Variants in LOXHD1 observed in about 807,000 individuals in gnomAD.
LOXHD1 encodes lipoxygenase homology PLAT domains 1, also known as lipoxygenase homology domain-containing protein 1.
In LOXHD1, 205 loss-of-function variants were observed where a neutral mutation model predicts 248.2. The observed-to-expected ratio is 0.83, with a 90% CI of 0.74 to 0.93. The LOEUF (loss-of-function observed/expected upper bound fraction) is 0.93, where lower values mean the gene tolerates loss of function less well. LOXHD1 is among the 40% of genes least tolerant of loss of function. The pLI, the probability that LOXHD1 is intolerant of heterozygous loss-of-function variation, is 0.00. For synonymous variants in LOXHD1, 1,113 were observed against 1,162.8 expected, an observed-to-expected ratio of 0.96 and a Z score of 0.87; for missense variants, 2,930 against 2,971.6, an observed-to-expected ratio of 0.99 and a Z score of 0.33.
At chr18:46,513,458 A>G (rs981294545) in intron 34 of LOXHD1, among the ~76,000 whole-genome samples, 2 of 152,234 alleles carry the variant, frequency 1.3e-5, no homozygotes, top group Non-Finnish European at 2.9e-5. Context: ...GGATTATTCC[A>G]GTGGGCCCTT....
At chr18:46,563,587 T>C (rs1468684892) in intron 17 of LOXHD1, among the ~76,000 whole-genome samples, 1 of 152,220 alleles carries the variant, frequency 6.6e-6, no homozygotes. Flanking sequence ...AAACTCATGC[T>C]GAAATGTCAT....
At position 46,559,482 on chromosome 18, in the gene LOXHD1, T is replaced by C; in HGVS notation, c.3182A>G (p.Lys1061Arg). The change falls in exon 20 of 41, where the codon AAG (lysine) becomes AGG (arginine). Residue 1061 changes from lysine (K) to arginine (R), a missense_variant. By Grantham distance (26) the Lys-to-Arg change is conservative. Coordinates refer to ENST00000642948, the MANE Select transcript of LOXHD1 (RefSeq NM_001384474.1). Reference protein sequence around the residue: ...YGDTGERPLKKSDKSNKFEQG... With the variant: ...YGDTGERPLKRSDKSNKFEQG... ...CTCAAATTTGTTGGACTTGTCTGAC[T>C]TCTTCAGGGGTCGTTCGCCCGTGTC... 6.4e-7 allele frequency: 1 copy of C among 1,552,096 alleles called. No individual in the cohort carries two copies.
At chr18:46,646,801 A>G (rs1286776196) in intron 2 of LOXHD1, among the ~76,000 whole-genome samples, 1 of 152,234 alleles carries the variant, frequency 6.6e-6, no homozygotes, top group African/African-American at 2.4e-5. Context: ...CTGTCCCTTT[A>G]AAGTCTCGCT....
intron 4 of LOXHD1, among the ~76,000 whole-genome samples, chr18:46,628,878 A>C (rs1040660093): frequency 6.6e-6 from 1 of 152,210 alleles, no homozygotes; most frequent in African/African-American, 2.4e-5. Flanking sequence ...AGAGGCACAG[A>C]GCTTAAGGCA....
intron 34 of LOXHD1, among the ~76,000 whole-genome samples, chr18:46,517,309 A>C (rs1234164075): frequency 6.6e-6 from 1 of 152,094 alleles, no homozygotes; most frequent in African/African-American, 2.4e-5. Context: ...GTCATTACTA[A>C]TCACTAATGA....
At chr18:46,582,863 A>G (rs2037988739) in intron 12 of LOXHD1, among the ~76,000 whole-genome samples, 1 of 152,168 alleles carries the variant, frequency 6.6e-6, no homozygotes, top group Non-Finnish European at 1.5e-5. Flanking sequence ...GTGGTTAGGG[A>G]GTGAGACTGA....
At chr18:46,656,138 A>C (rs773489479) in intron 1 of LOXHD1, among the ~76,000 whole-genome samples, 1 of 152,240 alleles carries the variant, frequency 6.6e-6, no homozygotes, top group Non-Finnish European at 1.5e-5. Flanking sequence ...GGCAGGCAGC[A>C]CTGATGAGTA....
At chr18:46,488,040 T>C (rs1331919928) in intron 38 of LOXHD1, among the ~76,000 whole-genome samples, 1 of 152,232 alleles carries the variant, frequency 6.6e-6, no homozygotes, top group East Asian at 1.9e-4. Context: ...CTGAACTGTC[T>C]GGTGAAGCAA....
chr18:46,604,316 G>T, intron 6 of LOXHD1, 87 bp from the exon 7 acceptor site: 1 of 1,505,434 alleles, frequency 6.6e-7, no homozygotes, highest in Admixed American at 2.0e-5. Context: ...AATCACTTGA[G>T]TCTACTTTAA....
rs997091577 is a variant in LOXHD1 at position 46,524,707 on chromosome 18, CCTT to C, written c.4738_4740del (p.Lys1580del). 25 of 1,551,660 alleles carry C rather than the reference CCTT, an allele frequency of 1.6e-5. No homozygotes were observed. The highest frequency in any genetic ancestry group is 2.4e-5 in the East Asian group (1 of 40,936). On this transcript the variant is annotated inframe_deletion and splice_region_variant, in exon 30 of 41. Transcript: ENST00000642948. ...CAGGCCCTATATACCCCTTGGCTCA[CCTT>C]CTCGTAAAAGAGCCTCTCGAGTCGC...
rs2039193367 is a variant in LOXHD1 at position 46,657,093 on chromosome 18, G to A, written c.-60C>T. On this transcript the variant is annotated 5_prime_UTR_variant, in exon 1 of 41. Coordinates refer to ENST00000642948, the MANE Select transcript of LOXHD1 (RefSeq NM_001384474.1). ...CACTGTGCCGCCTCCTCACACCTGC[G>A]GGAACCTGAGACCTCCTCCCTGAGC... 1.9e-6 allele frequency: 3 copies of A among 1,550,376 alleles called. No homozygotes were observed. Among genetic ancestry groups the A allele is most frequent in the Admixed American group, 3.9e-5 (2 of 50,954 alleles).
chr18:46,576,418 C>A (rs1413699741), intron 14 of LOXHD1, among the ~76,000 whole-genome samples: 1 of 152,084 alleles, frequency 6.6e-6, no homozygotes, highest in Admixed American at 6.5e-5. Flanking sequence ...ACATGCCAGG[C>A]GCCCCTTGCC....
chr18:46,646,232 G>A (rs1467913978), intron 2 of LOXHD1, among the ~76,000 whole-genome samples: 3 of 152,170 alleles, frequency 2.0e-5, no homozygotes, highest in African/African-American at 4.8e-5. Flanking sequence ...GATATTCTCA[G>A]CCAGATCCCA....
In LOXHD1 at chr18:46,601,373, A is replaced by G; in HGVS notation, c.978T>C (p.Asn326=). 6.4e-7 allele frequency: 1 copy of G among 1,551,666 alleles called. No individual in the cohort carries two copies. Among genetic ancestry groups the G allele is most frequent in the Non-Finnish European group, 8.7e-7 (1 of 1,146,976 alleles). The change falls in exon 8 of 41, where the codon AAT becomes AAC. Residue 326 remains asparagine, a synonymous_variant. Coordinates refer to ENST00000642948, the MANE Select transcript of LOXHD1 (RefSeq NM_001384474.1). The part of the protein sequence containing the change: ...IYLVMYGARG[N]KNSGKIFLEG... ...CCAGGAAGATTTTCCCACTGTTCTT[A>G]TTCCCTCTGGCCCCATACATGACCA...
At chr18:46,525,363 T>C (rs1336749711) in intron 29 of LOXHD1, among the ~76,000 whole-genome samples, 1 of 151,920 alleles carries the variant, frequency 6.6e-6, no homozygotes, top group East Asian at 1.9e-4. Context: ...AACTTCTGAG[T>C]AACGGGAGGG....
chr18:46,493,757 G>A (rs2033649686), intron 37 of LOXHD1, among the ~76,000 whole-genome samples: 1 of 152,226 alleles, frequency 6.6e-6, no homozygotes, highest in Admixed American at 6.5e-5. Flanking sequence ...CTGGATGGGA[G>A]TGAGACTGGC....
At chr18:46,487,063 G>A (rs534217913) in intron 38 of LOXHD1, among the ~76,000 whole-genome samples, 1 of 152,264 alleles carries the variant, frequency 6.6e-6, no homozygotes, top group East Asian at 1.9e-4. Context: ...GCAGGTAAAC[G>A]TGATGAGCCC....
At chr18:46,630,238 C>T (rs200790335) in intron 4 of LOXHD1, among the ~76,000 whole-genome samples, 111 of 152,326 alleles carry the variant, frequency 7.3e-4, no homozygotes, top group Non-Finnish European at 1.4e-3. Context: ...TCAGCTGCAA[C>T]GCAGCTCTTG....
intron 39 of LOXHD1, among the ~76,000 whole-genome samples, 182 bp from the exon 40 acceptor site, chr18:46,483,927 A>G (rs565726300): frequency 6.6e-6 from 1 of 152,110 alleles, no homozygotes; most frequent in Non-Finnish European, 1.5e-5. Context: ...CAAGACAATC[A>G]CGATGAAAAA....
Sources: gnomAD v4.1 joint callset for allele counts (sites outside exome capture counted in the v4.1 genomes callset) on GRCh38, gnomAD v4.1.1 for gene constraint, MANE v1.5 for transcripts, NCBI Gene and HGNC (gene_info 2026-07-23, HGNC 2026-07-21) for gene names.